MYO7B: variants seen among roughly 807,000 people sequenced by gnomAD.
The protein encoded by MYO7B is unconventional myosin-VIIb.
MYO7B carries 212 observed loss-of-function variants against 259.7 expected under a neutral mutation model. The observed-to-expected ratio is 0.82, with a 90% confidence interval of 0.73 to 0.91. The LOEUF (loss-of-function observed/expected upper bound fraction) is 0.91, where lower values mean the gene tolerates loss of function less well. MYO7B is among the 40% of genes least tolerant of loss of function. The pLI is 0.00. For synonymous variants in MYO7B, 1,197 were observed against 1,166.4 expected (o/e 1.03, Z -0.54); for missense variants, 2,732 against 2,813.5 (o/e 0.97, Z 0.66).
At position 127,623,224 on chromosome 2, in the gene MYO7B, TC is replaced by T. The variant is rs778706234; in HGVS notation, c.3672del (p.Ile1225SerfsTer11). 3.7e-6 allele frequency: 6 copies of T among 1,613,478 alleles called. No homozygotes were observed. ...CAGGCTGTCAAGTCCAAGAAGCACATCCCCATCCAAGTCATCTTGGCCACTG... is the reference window on the plus strand; with the variant it reads ...CAGGCTGTCAAGTCCAAGAAGCACATCCCATCCAAGTCATCTTGGCCACTG... Reference protein sequence around the residue: ...ELQAVKSKKHIPIQVILATGE... With the variant: ...ELQAVKSKKHXPIQVILATGE... On this transcript the variant is annotated frameshift_variant, in exon 29 of 48. Transcript: ENST00000409816. LOFTEE classifies it high-confidence loss of function.
intron 1 of MYO7B, among the ~76,000 whole-genome samples, chr2:127,544,567 T>A (rs1010807837): frequency 4.1e-5 from 6 of 145,030 alleles, no homozygotes; most frequent in Non-Finnish European, 9.0e-5. Context: ...TGCCACCACG[T>A]CTGGCTAATT....
intron 26 of MYO7B, among the ~76,000 whole-genome samples, chr2:127,612,968 C>T (rs977974638): frequency 5.3e-5 from 8 of 152,160 alleles, no homozygotes; most frequent in Non-Finnish European, 7.3e-5. Flanking sequence ...AGAAGAAACA[C>T]GTATAGTCAG....
At chr2:127,619,700 C>T (rs1680752912) in intron 26 of MYO7B, among the ~76,000 whole-genome samples, 1 of 152,086 alleles carries the variant, frequency 6.6e-6, no homozygotes, top group Admixed American at 6.5e-5. Flanking sequence ...TACCAGCACA[C>T]CACTGAGTAT....
rs1265296842 is a variant in MYO7B at position 127,592,811 on chromosome 2, G to A, written c.2010G>A (p.Leu670=). The A allele has an allele frequency of 2.5e-6, 4 of 1,610,434 alleles. No homozygotes were observed. Among genetic ancestry groups the A allele is most frequent in the Non-Finnish European group, 3.4e-6 (4 of 1,178,954 alleles). ...YKKPLLFDRE[L]CLRQLRYSGM... ...GCCCACAGCTGTTCGACCGGGAGCT[G>A]TGCCTGCGGCAGCTGCGATACTCGG... The change falls in exon 17 of 48, where the codon CTG becomes CTA. Residue 670 remains leucine (L), a synonymous_variant. Coordinates refer to ENST00000409816, the MANE Select transcript of MYO7B (RefSeq NM_001393586.1).
In MYO7B at chr2:127,607,706, C is replaced by T. The variant is rs748273977; in HGVS notation, c.2643+282C>T. Among the ~76,000 whole-genome samples, 2 of 152,226 alleles carry T rather than the reference C, an allele frequency of 1.3e-5. No homozygotes were observed. Among genetic ancestry groups the T allele is most frequent in the Non-Finnish European group, 2.9e-5 (2 of 68,038 alleles). ...CTATTCAAAGTCAGTTCTACAATGG[C>T]TCTGCAATGGCTGGGGAGCCGTGGC... On this transcript the variant is annotated intron_variant, in intron 21 of 47. Transcript: ENST00000409816. This position sits in a 1 kb window ranked among gnomAD's most constrained non-coding sequence, Gnocchi z 4.4.
At chr2:127,560,021 T>C (rs1265738800) in intron 2 of MYO7B, among the ~76,000 whole-genome samples, 1 of 131,764 alleles carries the variant, frequency 7.6e-6, no homozygotes, top group Non-Finnish European at 1.6e-5. Flanking sequence ...TTTTCTTTTC[T>C]TTTCTTTTCT....
chr2:127,627,461 T>G lies in MYO7B; in HGVS notation c.4460+151T>G, dbSNP rs1363080856. 1.8e-6 allele frequency: 2 copies of G among 1,088,252 alleles called. No homozygotes were observed. Among genetic ancestry groups the G allele is most frequent in the Non-Finnish European group, 2.7e-6 (2 of 742,880 alleles). The allele number at this position is 1,088,252 out of a possible 1,614,324, so 67.4% of individuals were successfully genotyped here. A position where few individuals can be genotyped will look rare whatever the true frequency, so the allele number is the denominator to read the frequency against. On this transcript the variant is annotated intron_variant, in intron 33 of 47. Coordinates refer to ENST00000409816, the MANE Select transcript of MYO7B (RefSeq NM_001393586.1). This position sits in a 1 kb window ranked among gnomAD's most constrained non-coding sequence, Gnocchi z 5.6. ...GAATCTACGTATGCGATGGCTTCTG[T>G]ACTTCGGAGCCCCACCCTCCTGCAC...
intron 19 of MYO7B, among the ~76,000 whole-genome samples, chr2:127,604,142 A>C (rs1422856328): frequency 1.3e-5 from 2 of 152,214 alleles, no homozygotes; most frequent in Non-Finnish European, 2.9e-5. Flanking sequence ...CAAAAAAAAG[A>C]AAGAAAATCT....
chr2:127,610,454 G>T (rs922706453), intron 24 of MYO7B, among the ~76,000 whole-genome samples: 2 of 152,218 alleles, frequency 1.3e-5, no homozygotes, highest in Non-Finnish European at 2.9e-5. Flanking sequence ...GAAATGACCT[G>T]CCCCCAGTTG....
At chr2:127,596,951 T>A (rs1372684087) in intron 19 of MYO7B, among the ~76,000 whole-genome samples, 5 of 152,214 alleles carry the variant, frequency 3.3e-5, no homozygotes, top group African/African-American at 1.2e-4. Context: ...CCGCTAGAGT[T>A]GTAATCCAGG....
intron 6 of MYO7B, among the ~76,000 whole-genome samples, chr2:127,572,091 T>TA (rs1483414537): frequency 2.6e-5 from 4 of 152,212 alleles, no homozygotes; most frequent in African/African-American, 9.6e-5. Flanking sequence ...TGTGATCCGA[T>TA]ATTTTTCTAT....
intron 19 of MYO7B, among the ~76,000 whole-genome samples, chr2:127,603,255 G>A (rs1174094775): frequency 1.3e-5 from 2 of 152,124 alleles, no homozygotes; most frequent in African/African-American, 4.8e-5. Context: ...CATCTAGAAT[G>A]GTGAAAGCTT....
intron 31 of MYO7B, chr2:127,626,620 AAC>A (rs1681132043): frequency 5.3e-6 from 1 of 190,298 alleles, no homozygotes; most frequent in Non-Finnish European, 1.1e-5. Context: ...CTCTACTAAA[AAC>A]ACAGAAATTA....
At chr2:127,603,625 G>A (rs1680043836) in intron 19 of MYO7B, among the ~76,000 whole-genome samples, 1 of 152,200 alleles carries the variant, frequency 6.6e-6, no homozygotes, top group South Asian at 2.1e-4. Flanking sequence ...TACAGGCAGA[G>A]TAGCTTTAAC....
chr2:127,637,525 T>TGGAAG lies in MYO7B; in HGVS notation c.*109_*110insGAAGG. ...CCTGTCCTTGGCGGGCAGCCTTCCATGCTGCCCCCCATACAAAGCCCACTC... is the reference window on the plus strand; with the variant it reads ...CCTGTCCTTGGCGGGCAGCCTTCCATGGAAGGCTGCCCCCCATACAAAGCCCACTC... On this transcript the variant is annotated 3_prime_UTR_variant, in exon 48 of 48. Transcript: ENST00000409816. 9.6e-6 allele frequency: 8 copies of TGGAAG among 829,052 alleles called. No individual in the cohort carries two copies. Among genetic ancestry groups the TGGAAG allele is most frequent in the Non-Finnish European group, 1.1e-5 (6 of 549,056 alleles). 51.4% of individuals were successfully genotyped at this position (829,052 alleles called of 1,614,324 possible). A position where few individuals can be genotyped will look rare whatever the true frequency, so the allele number is the denominator to read the frequency against.
chr2:127,560,068 C>A (rs918103018), intron 2 of MYO7B, among the ~76,000 whole-genome samples: 1 of 150,878 alleles, frequency 6.6e-6, no homozygotes, highest in African/African-American at 2.4e-5. Flanking sequence ...ACTCTGTCAC[C>A]CAGGCTGGAG....
intron 29 of MYO7B, among the ~76,000 whole-genome samples, chr2:127,623,742 A>C (rs1201651797): frequency 6.6e-6 from 1 of 152,152 alleles, no homozygotes; most frequent in African/African-American, 2.4e-5. Context: ...GGAGGGTCAC[A>C]CCAGCACAGA....
intron 1 of MYO7B, among the ~76,000 whole-genome samples, chr2:127,540,512 G>A (rs914066399): frequency 1.3e-4 from 20 of 152,182 alleles, no homozygotes; most frequent in African/African-American, 4.8e-4. Flanking sequence ...GGATCTAACG[G>A]TAGGTTTAAT....
In MYO7B at chr2:127,627,666, G is replaced by A. The variant is rs1275457320; in HGVS notation, c.4460+356G>A. 4.3e-6 allele frequency: 2 copies of A among 466,678 alleles called. No homozygotes were observed. The highest frequency in any genetic ancestry group is 8.5e-6 in the Non-Finnish European group (2 of 234,020). The allele number at this position is 466,678 out of a possible 1,614,324, so 28.9% of individuals were successfully genotyped here. A position where few individuals can be genotyped will look rare whatever the true frequency, so the allele number is the denominator to read the frequency against. The stretch of plus-strand genomic sequence containing the variant: ...ACTGGTGGCCTGGAGGGTACAGGTT[G>A]TCTGGGAAGGCGACAAGGGACAGTG... On this transcript the variant is annotated intron_variant, in intron 33 of 47. Coordinates refer to ENST00000409816, the MANE Select transcript of MYO7B (RefSeq NM_001393586.1). This position sits in a 1 kb window ranked among gnomAD's most constrained non-coding sequence, Gnocchi z 5.6.
Sources: allele counts gnomAD v4.1 joint callset (sites outside exome capture counted in the v4.1 genomes callset), GRCh38; gene constraint gnomAD v4.1.1; non-coding constraint Gnocchi (gnomAD v3.1); transcripts MANE v1.5; gene names NCBI Gene and HGNC (gene_info 2026-07-23, HGNC 2026-07-21).